Variants in TCF20 observed in about 807,000 individuals in gnomAD.
The protein encoded by TCF20 is SPRE-binding protein.
In TCF20, 3 loss-of-function variants were observed where a neutral mutation model predicts 148.6. The observed-to-expected ratio is 0.02, with a 90% confidence interval of 0.01 to 0.05. The LOEUF is 0.05. TCF20 is among the 10% of genes least tolerant of loss of function. TCF20 has a pLI of 1.00. For synonymous variants in TCF20, 1,049 were observed against 909.5 expected (o/e 1.15, Z -2.76); for missense variants, 2,350 against 2,429.3 (o/e 0.97, Z 0.69).
intron 1 of TCF20, among the ~76,000 whole-genome samples, chr22:42,277,805 C>G (rs134885): frequency 0.54 from 81,671 of 152,090 alleles, 23,910 homozygotes; most frequent in East Asian, 0.66. Flanking sequence ...CCCTGTGTCA[C>G]GTCACCCTGA....
At chr22:42,248,746 G>C (rs186547298) in intron 1 of TCF20, among the ~76,000 whole-genome samples, 25 of 152,278 alleles carry the variant, frequency 1.6e-4, no homozygotes, top group African/African-American at 5.8e-4. Flanking sequence ...TTTTGGGGCA[G>C]GGAATTTGCA....
intron 1 of TCF20, among the ~76,000 whole-genome samples, chr22:42,303,488 C>T (rs1435457365): frequency 6.6e-6 from 1 of 152,262 alleles, no homozygotes; most frequent in Non-Finnish European, 1.5e-5. Context: ...TGCACAACAC[C>T]CCATGGGCAG....
Position 42,317,077 on chromosome 22 carries a change from T to G in TCF20, c.-37+26402A>C, listed in dbSNP as rs1226744729. ...CAACACTCTTCCCAGACACCCCAAA[T>G]CCCCCAAAGAGCACTGGCAACACTA... is the stretch of plus-strand genomic sequence containing the variant. On this transcript the variant is annotated intron_variant, in intron 1 of 1. Coordinates refer to the TCF20 transcript ENST00000515426. The surrounding 1 kb of genome is among the most constrained non-coding windows in gnomAD (Gnocchi z 4.2). Among the ~76,000 whole-genome samples, 1 of 151,830 alleles carries G rather than the reference T, an allele frequency of 6.6e-6. No homozygotes were observed. Among genetic ancestry groups the G allele is most frequent in the Admixed American group, 6.6e-5 (1 of 15,228 alleles).
chr22:42,275,905 A>AT (rs1926767830), intron 1 of TCF20, among the ~76,000 whole-genome samples: 2 of 152,178 alleles, frequency 1.3e-5, no homozygotes, highest in South Asian at 4.1e-4. Context: ...CAACAACCCT[A>AT]TAAAGTGGGT....
chr22:42,160,604 AG>A lies in TCF20; in HGVS notation c.*798del, dbSNP rs1222470961. On this transcript the variant is annotated 3_prime_UTR_variant, in exon 6 of 6. Transcript: ENST00000677622. Reference sequence around the variant, plus strand: ...TGACCCAGGACACAGCTATGACCTCAGGCATCTGCCAATTTCACCCCCAAAA... The same window carrying A: ...TGACCCAGGACACAGCTATGACCTCAGCATCTGCCAATTTCACCCCCAAAA... 2.0e-5 allele frequency: 3 copies of A among 152,378 alleles called. No homozygotes were observed. Among genetic ancestry groups the A allele is most frequent in the African/African-American group, 7.3e-5 (3 of 41,314 alleles). 9.4% of individuals were successfully genotyped at this position (152,378 alleles called of 1,614,324 possible). A position where few individuals can be genotyped will look rare whatever the true frequency, so the allele number is the denominator to read the frequency against.
chr22:42,324,691 G>C (rs1046266355), intron 1 of TCF20, among the ~76,000 whole-genome samples: 22 of 143,882 alleles, frequency 1.5e-4, no homozygotes, highest in African/African-American at 5.1e-4. Flanking sequence ...TCCACCATTT[G>C]AGAAAAAATA....
chr22:42,240,283 G>A (rs868039160), intron 1 of TCF20, among the ~76,000 whole-genome samples: 3 of 152,164 alleles, frequency 2.0e-5, no homozygotes, highest in Admixed American at 6.5e-5. Flanking sequence ...TCTAGATAGT[G>A]AGTCTTAAAG....
At chr22:42,263,758 T>TA (rs1926142324) in intron 1 of TCF20, among the ~76,000 whole-genome samples, 1 of 152,156 alleles carries the variant, frequency 6.6e-6, no homozygotes, top group Non-Finnish European at 1.5e-5. Flanking sequence ...CTTGATATCT[T>TA]AAGATTGGAA....
At position 42,213,098 on chromosome 22, in the gene TCF20, G is replaced by A; in HGVS notation, c.2208C>T (p.Phe736=). Reference sequence around the variant, plus strand: ...TACCCTTTCGTTCCCCATGGCCAGTGAAATCTCCCTTTTCTTGCCCTGTAG... The same window carrying A: ...TACCCTTTCGTTCCCCATGGCCAGTAAAATCTCCCTTTTCTTGCCCTGTAG... The part of the protein sequence containing the change: ...QYPTGQEKGD[F]TGHGERKGRN... Residue 736 remains phenylalanine (F), a synonymous_variant, in exon 2 of 6, where the codon TTC becomes TTT. Coordinates refer to ENST00000677622, the MANE Select transcript of TCF20 (RefSeq NM_001378418.1). 1 of 1,614,148 alleles carries A rather than the reference G, an allele frequency of 6.2e-7. No individual in the cohort carries two copies. Among genetic ancestry groups the A allele is most frequent in the Non-Finnish European group, 8.5e-7 (1 of 1,180,028 alleles).
At chr22:42,216,890 G>C (rs1195999984) in intron 1 of TCF20, among the ~76,000 whole-genome samples, 1 of 152,170 alleles carries the variant, frequency 6.6e-6, no homozygotes, top group Non-Finnish European at 1.5e-5. Flanking sequence ...CTCAGAGTCA[G>C]AGATGAAAGG....
At position 42,211,228 on chromosome 22, in the gene TCF20, T is replaced by C. The variant is rs760115983; in HGVS notation, c.4078A>G (p.Thr1360Ala). Reference sequence around the variant, plus strand: ...GCGCTCCTCCTAATATTTGGGGATGTAATCTTCTGAACTATAGCTTCCAAT... The same window carrying C: ...GCGCTCCTCCTAATATTTGGGGATGCAATCTTCTGAACTATAGCTTCCAAT... ...LKLEAIVQKI[T>A]SPNIRRSASS... The change falls in exon 2 of 6, where the codon ACA (threonine) becomes GCA (alanine). Residue 1360 changes from threonine (T) to alanine (A), a missense_variant. By Grantham distance (58) the Thr-to-Ala change is moderately conservative (BLOSUM62 0). This residue lies in a region of TCF20 where 231 missense variants were observed against 213.7 expected (regional missense o/e 1.08). Coordinates refer to ENST00000677622, the MANE Select transcript of TCF20 (RefSeq NM_001378418.1). 30 of 1,614,090 alleles carry C rather than the reference T, an allele frequency of 1.9e-5. No individual in the cohort carries two copies. The highest frequency in any genetic ancestry group is 2.0e-5 in the Non-Finnish European group (24 of 1,180,054).
rs529758328 is a variant in TCF20 at position 42,160,654 on chromosome 22, CATAA to C, written c.*745_*748del. The C allele has an allele frequency of 1.7e-3, 255 of 152,280 alleles. 1 individual carries two copies. The highest frequency in any genetic ancestry group is 3.1e-3 in the Non-Finnish European group (210 of 67,956). The allele number at this position is 152,280 out of a possible 1,614,324, so 9.4% of individuals were successfully genotyped here. A position where few individuals can be genotyped will look rare whatever the true frequency, so the allele number is the denominator to read the frequency against. On this transcript the variant is annotated 3_prime_UTR_variant, in exon 6 of 6. Coordinates refer to ENST00000677622, the MANE Select transcript of TCF20 (RefSeq NM_001378418.1). The stretch of plus-strand genomic sequence containing the variant: ...AAAGAAAAAATTAAAAAAAAAAAAC[CATAA>C]ATAAATAGTGTTTCTGGAAATGAAA...
rs1306204666 is a variant in TCF20, at chr22:42,214,231, G to T, written c.1075C>A (p.Gln359Lys). 1.9e-6 allele frequency: 3 copies of T among 1,614,228 alleles called. No homozygotes were observed. Among genetic ancestry groups the T allele is most frequent in the Non-Finnish European group, 2.5e-6 (3 of 1,180,044 alleles). Residue 359 changes from glutamine to lysine, a missense_variant, in exon 2 of 6, where the codon CAG becomes AAG. This residue lies in a region of TCF20 where 1,641 missense variants were observed against 1,662.6 expected (regional missense o/e 0.99). Coordinates refer to ENST00000677622, the MANE Select transcript of TCF20 (RefSeq NM_001378418.1). ...QPEVPVRSPM[Q>K]FHQNFSPISN... ...ATGGGGCTGAAGTTCTGGTGAAACT[G>T]CATGGGGGACCTCACAGGAACCTCA...
intron 1 of TCF20, among the ~76,000 whole-genome samples, chr22:42,291,545 G>T (rs917444610): frequency 6.6e-6 from 1 of 152,202 alleles, no homozygotes; most frequent in Non-Finnish European, 1.5e-5. Flanking sequence ...GCCTGTGCTG[G>T]GACCGCCTCT....
At chr22:42,208,998 A>G (rs896108543) in intron 2 of TCF20, among the ~76,000 whole-genome samples, 8 of 152,228 alleles carry the variant, frequency 5.3e-5, no homozygotes, top group African/African-American at 1.9e-4. Flanking sequence ...TCAAGGGATG[A>G]AAAATTAGAA....
intron 1 of TCF20, among the ~76,000 whole-genome samples, chr22:42,332,175 T>A (rs1183538805): frequency 6.6e-6 from 1 of 152,184 alleles, no homozygotes; most frequent in Non-Finnish European, 1.5e-5. Context: ...ACTAGCCTGA[T>A]AACATGCACC....
intron 1 of TCF20, among the ~76,000 whole-genome samples, chr22:42,303,773 G>A (rs1927381867): frequency 6.6e-6 from 1 of 152,110 alleles, no homozygotes; most frequent in Non-Finnish European, 1.5e-5. Flanking sequence ...AAAGGGAGGA[G>A]GAAGAGGACT....
chr22:42,238,961 C>CA (rs1924131531), intron 1 of TCF20, among the ~76,000 whole-genome samples: 1 of 112,272 alleles, frequency 8.9e-6, no homozygotes, highest in Non-Finnish European at 2.1e-5. Flanking sequence ...ACTAAAAATA[C>CA]AAAAAAATTA....
Position 42,212,984 on chromosome 22 carries a change from C to T in TCF20, c.2322G>A (p.Glu774=), listed in dbSNP as rs140856018. The T allele has an allele frequency of 2.2e-5, 36 of 1,614,128 alleles. No homozygotes were observed. Among genetic ancestry groups the T allele is most frequent in the East Asian group, 4.5e-5 (2 of 44,882 alleles). Residue 774 remains glutamate (E), a synonymous_variant, in exon 2 of 6, where the codon GAG becomes GAA. Transcript: ENST00000677622. ...PDRRYSRSTQ[E]HQGMAGSLEG... is the part of the protein sequence containing the mutation. ...CTAGGCTACCAGCCATCCCCTGATGCTCTTGAGTACTCCTAGAATATCTCC... is the reference window on the plus strand; with the variant it reads ...CTAGGCTACCAGCCATCCCCTGATGTTCTTGAGTACTCCTAGAATATCTCC...
Sources: allele counts gnomAD v4.1 joint callset (sites outside exome capture counted in the v4.1 genomes callset), GRCh38; gene constraint gnomAD v4.1.1; regional missense constraint gnomAD v4.1.1; non-coding constraint Gnocchi (gnomAD v3.1); transcripts MANE v1.5; gene names NCBI Gene and HGNC (gene_info 2026-07-23, HGNC 2026-07-21).